The following MICAL3 variants were observed in gnomAD, a reference collection of about 807,000 sequenced individuals.
The protein encoded by MICAL3 is [F-actin]-monooxygenase MICAL3.
A neutral mutation model predicts 207.4 loss-of-function variants in MICAL3; 62 were observed. The ratio of observed to expected loss-of-function variants is 0.30; its 90% confidence interval spans 0.24 to 0.37. The LOEUF (loss-of-function observed/expected upper bound fraction) is 0.37. Among genes scored for constraint, MICAL3 ranks in the 10% least tolerant of loss-of-function variants. The pLI is 1.00. For synonymous variants in MICAL3, 1,077 were observed against 1,069.3 expected, an observed-to-expected ratio of 1.01 and a Z score of -0.14; for missense variants, 2,368 against 2,635.6, an observed-to-expected ratio of 0.90 and a Z score of 2.22.
chr22:17,912,959 G>A (rs1932234005), intron 1 of MICAL3, among the ~76,000 whole-genome samples: 1 of 152,166 alleles, frequency 6.6e-6, no homozygotes, highest in Non-Finnish European at 1.5e-5. Context: ...ACGTACCATG[G>A]TTTTTCGCAT....
At chr22:17,969,776 T>C (rs1935318147) in intron 1 of MICAL3, among the ~76,000 whole-genome samples, 1 of 152,230 alleles carries the variant, frequency 6.6e-6, no homozygotes, top group South Asian at 2.1e-4. Flanking sequence ...GCGCAGCGTC[T>C]AGGATGGCCT....
intron 20 of MICAL3, among the ~76,000 whole-genome samples, chr22:17,836,979 T>C (rs2146058243): frequency 6.6e-6 from 1 of 152,298 alleles, no homozygotes; most frequent in African/African-American, 2.4e-5. Flanking sequence ...TGGGTAACCA[T>C]GGTTTTCACT....
Position 17,826,344 on chromosome 22 carries a change from G to A in MICAL3, c.3193+1300C>T, listed in dbSNP as rs573894328. On this transcript the variant is annotated intron_variant, in intron 22 of 31. Coordinates refer to ENST00000441493, the MANE Select transcript of MICAL3 (RefSeq NM_015241.3). ...GCAGGTACCCCCACCCGCCTCTGCC[G>A]CCCTGGCATGCACTTGCAACAGGCC... 1.5e-4 allele frequency: 85 copies of A among 564,804 alleles called. No homozygotes were observed. The South Asian group carries it at 1.9e-3, about 13-fold the overall frequency. The allele number at this position is 564,804 out of a possible 1,614,324, so 35.0% of individuals were successfully genotyped here.
chr22:17,871,645 C>T (rs990174181), intron 17 of MICAL3, among the ~76,000 whole-genome samples, 192 bp downstream of exon 17: 10 of 152,164 alleles, frequency 6.6e-5, no homozygotes, highest in African/African-American at 2.2e-4. Flanking sequence ...CCTGGTGACG[C>T]TGGGAAATAC....
At chr22:17,880,010 C>T (rs1200881763) in intron 16 of MICAL3, among the ~76,000 whole-genome samples, 2 of 152,208 alleles carry the variant, frequency 1.3e-5, no homozygotes, top group African/African-American at 4.8e-5. Context: ...CCAGAAGCGG[C>T]AATCACAGGA....
intron 1 of MICAL3, among the ~76,000 whole-genome samples, chr22:17,992,851 T>C (rs1351956466): frequency 1.3e-5 from 2 of 152,182 alleles, no homozygotes; most frequent in East Asian, 1.9e-4. Flanking sequence ...TTTATGGCCC[T>C]TTACCTCACT....
chr22:17,942,039 G>A (rs867473087), intron 1 of MICAL3, among the ~76,000 whole-genome samples: 12 of 152,314 alleles, frequency 7.9e-5, no homozygotes, highest in Admixed American at 5.2e-4. Context: ...ACAACAACAA[G>A]GAGAGGCGCC....
intron 16 of MICAL3, chr22:17,875,565 C>T: frequency 6.7e-7 from 1 of 1,500,298 alleles, no homozygotes. Flanking sequence ...CTATAAAATA[C>T]AAGATGGAGA....
Position 17,861,930 on chromosome 22 carries a change from T to C in MICAL3, c.2605+2969A>G, listed in dbSNP as rs866521671. On this transcript the variant is annotated intron_variant, in intron 19 of 31. Transcript: ENST00000441493. ...GGTTGTAATTGGGTGTGGGTGTGTT[T>C]TTTTGTTTTTGTTTTGGCAACAGCA... The C allele has an allele frequency of 7.1e-6, 7 of 985,286 alleles. No individual in the cohort carries two copies. In the South Asian group the frequency reaches 2.3e-4, roughly 33 times the overall value. The allele number at this position is 985,286 out of a possible 1,614,324, so 61.0% of individuals were successfully genotyped here. A position where few individuals can be genotyped will look rare whatever the true frequency, so the allele number is the denominator to read the frequency against.
chr22:17,880,803 G>A (rs1330016766), intron 16 of MICAL3, among the ~76,000 whole-genome samples: 1 of 152,212 alleles, frequency 6.6e-6, no homozygotes, highest in Non-Finnish European at 1.5e-5. Flanking sequence ...CGAAACTCAC[G>A]TGGAGAAGCC....
chr22:17,951,545 T>A (rs993321755), intron 1 of MICAL3, among the ~76,000 whole-genome samples: 1 of 151,716 alleles, frequency 6.6e-6, no homozygotes, highest in African/African-American at 2.4e-5. Context: ...AGAACAAACA[T>A]GACCTTGTTC....
At position 17,985,544 on chromosome 22, in the gene MICAL3, C is replaced by A. The variant is rs567326775; in HGVS notation, c.-75+38737G>T. On this transcript the variant is annotated intron_variant, in intron 1 of 31. Coordinates refer to ENST00000441493, the MANE Select transcript of MICAL3 (RefSeq NM_015241.3). ...CTCCTACACTAGTGGTGAGCAGTAG[C>A]CTCTGCCTGGGGCGGGGAAGCAGAA... Among the ~76,000 whole-genome samples the A allele has an allele frequency of 8.5e-5, 13 of 152,270 alleles. No homozygotes were observed. The South Asian group carries it at 2.7e-3, about 32-fold the overall frequency.
At chr22:17,982,096 C>A (rs1325663173) in intron 1 of MICAL3, among the ~76,000 whole-genome samples, 1 of 147,862 alleles carries the variant, frequency 6.8e-6, no homozygotes, top group Admixed American at 6.7e-5. Flanking sequence ...CAGAGCAAGA[C>A]CTTGTCTCAA....
intron 22 of MICAL3, among the ~76,000 whole-genome samples, chr22:17,825,784 A>C (rs765196022): frequency 6.6e-6 from 1 of 152,204 alleles, no homozygotes; most frequent in Non-Finnish European, 1.5e-5. Flanking sequence ...CAAGAATGTT[A>C]AACCTTCTGC....
intron 25 of MICAL3, among the ~76,000 whole-genome samples, chr22:17,820,548 C>T (rs1455870062): frequency 2.0e-5 from 3 of 152,258 alleles, no homozygotes; most frequent in Admixed American, 1.3e-4. Flanking sequence ...TAGAGACAGG[C>T]TATCACTGTG....
chr22:17,948,837 C>T (rs189544330), intron 1 of MICAL3, among the ~76,000 whole-genome samples: 103 of 147,062 alleles, frequency 7.0e-4, no homozygotes, highest in Admixed American at 5.2e-3. Flanking sequence ...AGCTTGAGCC[C>T]AGGAGGTGGC....
At chr22:17,964,741 C>G (rs1468658735) in intron 1 of MICAL3, among the ~76,000 whole-genome samples, 3 of 152,174 alleles carry the variant, frequency 2.0e-5, no homozygotes, top group African/African-American at 7.2e-5. Context: ...AGCCAGTCCT[C>G]AGAAAGTAAC....
chr22:17,844,493 A>G (rs576252440), intron 19 of MICAL3, among the ~76,000 whole-genome samples: 2 of 152,322 alleles, frequency 1.3e-5, no homozygotes, highest in Admixed American at 1.3e-4. Context: ...CCTGGTAGTC[A>G]CAGGATAAGG....
intron 1 of MICAL3, among the ~76,000 whole-genome samples, chr22:17,907,500 A>G (rs1931825626): frequency 6.6e-6 from 1 of 152,194 alleles, no homozygotes; most frequent in Non-Finnish European, 1.5e-5. Flanking sequence ...CTCCAAGTGG[A>G]GGTGCTTACC....
Sources: gnomAD v4.1 joint callset for allele counts (sites outside exome capture counted in the v4.1 genomes callset) on GRCh38, gnomAD v4.1.1 for gene constraint, MANE v1.5 for transcripts, NCBI Gene and HGNC (gene_info 2026-07-23, HGNC 2026-07-21) for gene names.